The following ARFGEF2 variants were observed in gnomAD, a reference collection of about 807,000 sequenced individuals.
ARFGEF2 encodes the protein brefeldin A-inhibited guanine nucleotide-exchange protein 2.
ARFGEF2 carries 74 observed loss-of-function variants against 219.9 expected under a neutral mutation model. That is an observed-to-expected ratio of 0.34 (90% confidence interval 0.28 to 0.41). The LOEUF (loss-of-function observed/expected upper bound fraction) is 0.41, where lower values mean the gene tolerates loss of function less well. Ranked by LOEUF, ARFGEF2 falls within the 10% of genes least tolerant of loss-of-function variation. The pLI is 1.00. For missense variants in ARFGEF2, 1,743 were observed against 2,218.3 expected, an observed-to-expected ratio of 0.79 and a Z score of 4.30; for synonymous variants, 733 against 799.2, an observed-to-expected ratio of 0.92 and a Z score of 1.40.
In ARFGEF2 at chr20:48,971,359, G is replaced by A. The variant is rs376036877; in HGVS notation, c.1425+5G>A. 8.1e-6 allele frequency: 13 copies of A among 1,604,308 alleles called. No individual in the cohort carries two copies. The highest frequency in any genetic ancestry group is 6.6e-5 in the South Asian group (6 of 90,648). On this transcript the variant is annotated splice_donor_5th_base_variant and intron_variant, in intron 10 of 38. Coordinates refer to ENST00000371917, the MANE Select transcript of ARFGEF2 (RefSeq NM_006420.3). ...CACTTGAAAATGCAGATAGAGGTAC[G>A]GATTCCAAAGTTTTTTCATTTCATT...
Position 49,005,129 on chromosome 20 carries a change from C to T in ARFGEF2, c.3492C>T (p.Leu1164=). 1.9e-6 allele frequency: 3 copies of T among 1,614,136 alleles called. No homozygotes were observed. Among genetic ancestry groups the T allele is most frequent in the African/African-American group, 2.7e-5 (2 of 75,012 alleles). ...TTGCTGTTGACTCATTAAGGCAACT[C>T]TCCATGAAGTTTCTTGAGAAGGGTG... The part of the protein sequence containing the change: ...AIFAVDSLRQ[L]SMKFLEKGEL... Residue 1164 remains leucine, a synonymous_variant, in exon 26 of 39, where the codon CTC becomes CTT. Coordinates refer to ENST00000371917, the MANE Select transcript of ARFGEF2 (RefSeq NM_006420.3).
Position 48,951,362 on chromosome 20 carries a change from G to A in ARFGEF2, c.316G>A (p.Asp106Asn). Residue 106 changes from aspartate to asparagine, a missense_variant, in exon 4 of 39, where the codon GAC becomes AAC. Asp to Asn is a conservative substitution (Grantham distance 23, BLOSUM62 1). Transcript: ENST00000371917. Reference sequence around the variant, plus strand: ...CGGGCACATCACTGGCAACGCCCCTGACAGTGGAGCCCCTGGGAAGCGGCT... The same window carrying A: ...CGGGCACATCACTGGCAACGCCCCTAACAGTGGAGCCCCTGGGAAGCGGCT... ...AYGHITGNAPDSGAPGKRLID... is the reference protein window; with the variant it reads ...AYGHITGNAPNSGAPGKRLID... 6.2e-7 allele frequency: 1 copy of A among 1,614,212 alleles called. No individual in the cohort carries two copies. The highest frequency in any genetic ancestry group is 8.5e-7 in the Non-Finnish European group (1 of 1,180,046).
At chr20:49,015,685 A>G (rs1032895082) in intron 30 of ARFGEF2, among the ~76,000 whole-genome samples, 2 of 152,240 alleles carry the variant, frequency 1.3e-5, no homozygotes, top group African/African-American at 4.8e-5. Flanking sequence ...TCTGTCAGCA[A>G]TGCATGAGAG....
intron 16 of ARFGEF2, among the ~76,000 whole-genome samples, 155 bp downstream of exon 16, chr20:48,985,768 A>G (rs1408164951): frequency 6.6e-6 from 1 of 152,236 alleles, no homozygotes; most frequent in Non-Finnish European, 1.5e-5. Flanking sequence ...GGATTATTTC[A>G]CATAAGACCT....
intron 17 of ARFGEF2, 23 bp downstream of exon 17, chr20:48,988,411 A>G (rs769209848): frequency 6.2e-7 from 1 of 1,610,472 alleles, no homozygotes; most frequent in East Asian, 2.2e-5. Flanking sequence ...AATGATTTAC[A>G]TGTTGTATTA....
rs1312922614 is a variant in ARFGEF2 at position 49,018,308 on chromosome 20, C to T, written c.4510-576C>T. 4.6e-5 allele frequency among the ~76,000 whole-genome samples: 7 copies of T among 152,162 alleles called. 1 individual carries two copies. Among genetic ancestry groups the T allele is most frequent in the African/African-American group, 1.7e-4 (7 of 41,428 alleles). On this transcript the variant is annotated intron_variant, in intron 33 of 38. Transcript: ENST00000371917. ...AGTGCAGCAGTGCGATCTCGGCTCA[C>T]TGCAACCTCCACCTCCTGGGTTCAA...
At chr20:48,942,473 G>GTTTTTTTT (rs58144046) in intron 3 of ARFGEF2, among the ~76,000 whole-genome samples, 1 of 73,498 alleles carries the variant, frequency 1.4e-5, no homozygotes, top group Non-Finnish European at 2.4e-5. Context: ...TTCTTACTTG[G>GTTTTTTTT]TTTTTTTTTT....
At chr20:48,936,330 G>T (rs1455126749) in intron 1 of ARFGEF2, among the ~76,000 whole-genome samples, 1 of 150,688 alleles carries the variant, frequency 6.6e-6, no homozygotes, top group African/African-American at 2.4e-5. Flanking sequence ...CGGACGGGGC[G>T]GCTGGCTGGG....
At chr20:48,969,790 G>T (rs1468418510) in intron 9 of ARFGEF2, among the ~76,000 whole-genome samples, 1 of 152,232 alleles carries the variant, frequency 6.6e-6, no homozygotes, top group African/African-American at 2.4e-5. Context: ...GCTGCATTTA[G>T]ATCTTGGATC....
rs1057511883 is a variant in ARFGEF2 at position 48,975,800 on chromosome 20, C to CA, written c.1775-204dup. 4.9e-4 allele frequency among the ~76,000 whole-genome samples: 55 copies of CA among 112,152 alleles called. 1 individual carries two copies. Among genetic ancestry groups the CA allele is most frequent in the Middle Eastern group, 4.3e-3 (1 of 234 alleles). The allele number at this position is 112,152 out of a possible 152,430, so 73.6% of individuals were successfully genotyped here. ...AGGGTGACAGTGCGAGACTCCATCT[C>CA]AAAAAAAAAAAAGAATTAGCTCATC... On this transcript the variant is annotated intron_variant, in intron 13 of 38. Transcript: ENST00000371917.
chr20:48,994,406 A>T (rs1026487212), intron 21 of ARFGEF2, 45 bp from the exon 22 acceptor site: 2 of 1,611,670 alleles, frequency 1.2e-6, no homozygotes, highest in Middle Eastern at 1.7e-4. Flanking sequence ...CCCTTTTTCT[A>T]GCTGTAAGGT....
At chr20:48,938,531 C>CA (rs1255279909) in intron 1 of ARFGEF2, among the ~76,000 whole-genome samples, 1 of 152,086 alleles carries the variant, frequency 6.6e-6, no homozygotes, top group Non-Finnish European at 1.5e-5. Context: ...GCTGGGATAT[C>CA]CATCACTTTA....
At chr20:48,925,829 C>A (rs771023990) in intron 1 of ARFGEF2, among the ~76,000 whole-genome samples, 1 of 151,912 alleles carries the variant, frequency 6.6e-6, no homozygotes, top group Non-Finnish European at 1.5e-5. Flanking sequence ...AGGGTGAGAC[C>A]CTCACACAAA....
chr20:48,944,667 A>G (rs928501697), intron 3 of ARFGEF2, among the ~76,000 whole-genome samples: 3 of 152,038 alleles, frequency 2.0e-5, no homozygotes, highest in Non-Finnish European at 4.4e-5. Context: ...GGTTTCACCA[A>G]GTTGCCCAGG....
intron 1 of ARFGEF2, among the ~76,000 whole-genome samples, chr20:48,930,440 G>A (rs2090906104): frequency 6.6e-6 from 1 of 152,188 alleles, no homozygotes; most frequent in South Asian, 2.1e-4. Flanking sequence ...TAGAAATAGA[G>A]CAAAGAAAAT....
intron 1 of ARFGEF2, among the ~76,000 whole-genome samples, chr20:48,927,300 A>T (rs895279166): frequency 9.2e-5 from 14 of 152,190 alleles, no homozygotes; most frequent in African/African-American, 2.9e-4. Flanking sequence ...TTTCTTCCAT[A>T]TGATCCTTTT....
At chr20:49,010,135 G>A (rs2091487872) in intron 26 of ARFGEF2, 97 bp from the exon 27 acceptor site, 1 of 1,459,784 alleles carries the variant, frequency 6.9e-7, no homozygotes, top group Non-Finnish European at 9.3e-7. Context: ...TGTGCTATAA[G>A]AAATGTTTAA....
At position 48,974,895 on chromosome 20, in the gene ARFGEF2, C is replaced by T. The variant is rs755799331; in HGVS notation, c.1774+21C>T. The T allele has an allele frequency of 5.1e-6, 8 of 1,579,742 alleles. No homozygotes were observed. In the African/African-American group the frequency reaches 1.1e-4, roughly 21 times the overall value. ...CCTCGGTGAGACAGCATTGCTGCCA[C>T]ACCCACCTCCATTCATAATAGGCTC... On this transcript the variant is annotated intron_variant, in intron 13 of 38. Transcript: ENST00000371917.
At chr20:48,935,743 C>T (rs1168946928) in intron 1 of ARFGEF2, among the ~76,000 whole-genome samples, 3 of 149,780 alleles carry the variant, frequency 2.0e-5, no homozygotes, top group South Asian at 2.1e-4. Flanking sequence ...CACCTCCCTC[C>T]CGGACAGGGC....
Sources: allele counts gnomAD v4.1 joint callset (sites outside exome capture counted in the v4.1 genomes callset), GRCh38; gene constraint gnomAD v4.1.1; transcripts MANE v1.5; gene names NCBI Gene and HGNC (gene_info 2026-07-23, HGNC 2026-07-21).